The following ADAM12 variants were observed in gnomAD, a reference collection of about 807,000 sequenced individuals.
ADAM12 encodes ADAM metallopeptidase domain 12.
Under a neutral mutation model 106.4 loss-of-function variants are expected in ADAM12, and 70 were observed. The observed-to-expected ratio is 0.66, with a 90% CI of 0.54 to 0.80. The LOEUF (loss-of-function observed/expected upper bound fraction) is 0.80. ADAM12 is among the 30% of genes least tolerant of loss of function. The probability of loss-of-function intolerance (pLI) is 0.00; values close to 1 mark genes in which losing one functional copy is unlikely to be tolerated. For missense variants in ADAM12, 1,010 were observed against 1,171.9 expected, an observed-to-expected ratio of 0.86 and a Z score of 2.02; for synonymous variants, 420 against 433.5, an observed-to-expected ratio of 0.97 and a Z score of 0.39.
At chr10:126,065,991 A>G (rs12266836) in intron 13 of ADAM12, among the ~76,000 whole-genome samples, 5,232 of 152,286 alleles carry the variant, frequency 0.034, 301 homozygotes, top group African/African-American at 0.12. Flanking sequence ...TAAATGTTAT[A>G]ATGCACTTCT....
At chr10:126,372,000 A>G (rs1301698718) in intron 1 of ADAM12, among the ~76,000 whole-genome samples, 1 of 152,228 alleles carries the variant, frequency 6.6e-6, no homozygotes, top group Non-Finnish European at 1.5e-5. Context: ...AAGAGTTCAC[A>G]TTATTAACAC....
At chr10:126,299,273 G>T (rs989440242) in intron 2 of ADAM12, among the ~76,000 whole-genome samples, 2 of 152,198 alleles carry the variant, frequency 1.3e-5, no homozygotes, top group African/African-American at 4.8e-5. Context: ...GCCTCGGCAT[G>T]CCTGCCTGGA....
chr10:126,169,394 C>G (rs1037607856), intron 3 of ADAM12, among the ~76,000 whole-genome samples: 1 of 152,206 alleles, frequency 6.6e-6, no homozygotes, highest in Non-Finnish European at 1.5e-5. Context: ...ATGTTTCCCC[C>G]ATTAGGGCAG....
At chr10:126,282,856 AT>A (rs1959653864) in intron 2 of ADAM12, among the ~76,000 whole-genome samples, 1 of 152,042 alleles carries the variant, frequency 6.6e-6, no homozygotes, top group South Asian at 2.1e-4. Flanking sequence ...CAATTTTTCC[AT>A]GGAACTGGGG....
chr10:126,057,551 C>A lies in ADAM12; in HGVS notation c.1609+7255G>T, dbSNP rs555949747. On this transcript the variant is annotated intron_variant, in intron 14 of 22. Transcript: ENST00000448723. ...AACCAAACTTCTAAGGACGCAGCGG[C>A]CGGAACTTGGTCCTGTTTGCAACAC... is the stretch of plus-strand genomic sequence containing the variant. Among the ~76,000 whole-genome samples, 4 of 152,144 alleles carry A rather than the reference C, an allele frequency of 2.6e-5. No homozygotes were observed. In the East Asian group the frequency reaches 7.7e-4, roughly 29 times the overall value.
intron 3 of ADAM12, among the ~76,000 whole-genome samples, chr10:126,227,455 C>A (rs1340427027): frequency 2.0e-5 from 3 of 152,182 alleles, no homozygotes; most frequent in Non-Finnish European, 4.4e-5. Flanking sequence ...TTGTTAAGCC[C>A]CCTACATAGA....
chr10:126,019,414 C>T lies in ADAM12; in HGVS notation c.2660+281G>A, dbSNP rs569652414. The stretch of plus-strand genomic sequence containing the variant: ...CCTCTTTTTCTTTGTGTCTTACAGG[C>T]CTGGCTTTCTGAGGTACTGTAGTTT... On this transcript the variant is annotated intron_variant, in intron 22 of 22. Coordinates refer to ENST00000448723, the MANE Select transcript of ADAM12 (RefSeq NM_001288973.2). 2.0e-5 allele frequency among the ~76,000 whole-genome samples: 3 copies of T among 152,330 alleles called. 1 individual carries two copies. The highest frequency in any genetic ancestry group is 4.8e-5 in the African/African-American group (2 of 41,586).
chr10:126,105,834 G>T (rs991329668), intron 8 of ADAM12, among the ~76,000 whole-genome samples: 1 of 152,218 alleles, frequency 6.6e-6, no homozygotes, highest in Non-Finnish European at 1.5e-5. Flanking sequence ...ATGGGATAAA[G>T]TTGAATCTGC....
At chr10:126,195,930 G>T (rs1482478734) in intron 3 of ADAM12, among the ~76,000 whole-genome samples, 1 of 152,198 alleles carries the variant, frequency 6.6e-6, no homozygotes, top group Non-Finnish European at 1.5e-5. Flanking sequence ...CCCGATCACC[G>T]TCTCACAAGC....
intron 2 of ADAM12, among the ~76,000 whole-genome samples, chr10:126,317,223 T>C (rs552274821): frequency 3.2e-4 from 48 of 152,286 alleles, no homozygotes; most frequent in African/African-American, 1.1e-3. Flanking sequence ...GGGTGGGACC[T>C]GCCAGGTGAG....
At chr10:126,263,273 GA>G (rs1959036191) in intron 3 of ADAM12, among the ~76,000 whole-genome samples, 1 of 152,118 alleles carries the variant, frequency 6.6e-6, no homozygotes, top group Non-Finnish European at 1.5e-5. Context: ...TCTTAGAGTG[GA>G]AATGGAGCCC....
chr10:126,155,351 A>G (rs963479277), intron 3 of ADAM12, 46 bp from the exon 4 acceptor site: 1 of 1,545,056 alleles, frequency 6.5e-7, no homozygotes, highest in East Asian at 2.2e-5. Context: ...GCAGAATTGC[A>G]TTGATACATT....
At chr10:126,134,757 T>C (rs1461335384) in intron 5 of ADAM12, among the ~76,000 whole-genome samples, 1 of 152,252 alleles carries the variant, frequency 6.6e-6, no homozygotes, top group African/African-American at 2.4e-5. Context: ...GAACTGCTGA[T>C]GCGCAGAATG....
Position 126,251,605 on chromosome 10 carries a change from GATGGATGC to G in ADAM12, c.260+27302_260+27309del, listed in dbSNP as rs374254699. On this transcript the variant is annotated intron_variant, in intron 3 of 22. Transcript: ENST00000448723. ...ATGAACGGACAGGATGGATAGGATG[GATGGATGC>G]ATGGATAGATGAATGGATGGGATGA... 2.1e-3 allele frequency among the ~76,000 whole-genome samples: 8 copies of G among 3,888 alleles called. No individual in the cohort carries two copies. The East Asian group carries it at 0.025, about 12-fold the overall frequency. 2.6% of individuals were successfully genotyped at this position (3,888 alleles called of 152,430 possible).
intron 3 of ADAM12, among the ~76,000 whole-genome samples, chr10:126,187,849 G>A (rs1455306293): frequency 6.6e-6 from 1 of 152,190 alleles, no homozygotes; most frequent in African/African-American, 2.4e-5. Context: ...GGGTAAATGT[G>A]CACATGGCAT....
chr10:126,145,792 G>C (rs1410946833), intron 4 of ADAM12, among the ~76,000 whole-genome samples: 1 of 152,224 alleles, frequency 6.6e-6, no homozygotes, highest in Non-Finnish European at 1.5e-5. Context: ...CTCAATGTTA[G>C]CTACCACATT....
At chr10:126,165,397 GAC>G (rs1957006525) in intron 3 of ADAM12, among the ~76,000 whole-genome samples, 1 of 152,212 alleles carries the variant, frequency 6.6e-6, no homozygotes, top group South Asian at 2.1e-4. Flanking sequence ...TTGAACTCCT[GAC>G]ACCTATCTCA....
rs140902096 is a variant in ADAM12, at chr10:126,387,517, A to G, written c.88+541T>C. 7.6e-3 allele frequency among the ~76,000 whole-genome samples: 1,157 copies of G among 152,246 alleles called. 13 individuals are homozygous for G. Among genetic ancestry groups the G allele is most frequent in the African/African-American group, 0.026 (1,089 of 41,562 alleles). On this transcript the variant is annotated intron_variant, in intron 1 of 22. Coordinates refer to ENST00000448723, the MANE Select transcript of ADAM12 (RefSeq NM_001288973.2). ...AACTAAAGAAGTAGGTAAGAGAGTCAGTTTATGAAAATAGAGCCTGCTGTG... is the reference window on the plus strand; with the variant it reads ...AACTAAAGAAGTAGGTAAGAGAGTCGGTTTATGAAAATAGAGCCTGCTGTG...
At chr10:126,131,860 T>C (rs769763356) in intron 5 of ADAM12, among the ~76,000 whole-genome samples, 9 of 152,166 alleles carry the variant, frequency 5.9e-5, no homozygotes, top group African/African-American at 9.7e-5. Context: ...AGGCTTGAGA[T>C]AGAAAATAGA....
Sources: allele counts gnomAD v4.1 joint callset (sites outside exome capture counted in the v4.1 genomes callset), GRCh38; gene constraint gnomAD v4.1.1; transcripts MANE v1.5; gene names NCBI Gene and HGNC (gene_info 2026-07-23, HGNC 2026-07-21).